ANXA3: variants seen among roughly 807,000 people sequenced by gnomAD.
The protein encoded by ANXA3 is annexin A3, also known as 35-alpha calcimedin.
ANXA3 carries 46 observed loss-of-function variants against 48.8 expected under a neutral mutation model. The observed-to-expected ratio is 0.94, with a 90% CI of 0.74 to 1.21. ANXA3 has a LOEUF of 1.21. Among genes scored for constraint, ANXA3 ranks in the 50% most tolerant of loss-of-function variants. ANXA3 has a pLI of 0.00. For synonymous variants in ANXA3, 128 were observed against 134.7 expected (o/e 0.95, Z 0.35); for missense variants, 383 against 378.6 (o/e 1.01, Z -0.10).
chr4:78,583,565 A>G (rs1723116542), intron 5 of ANXA3, among the ~76,000 whole-genome samples: 1 of 151,930 alleles, frequency 6.6e-6, no homozygotes, highest in East Asian at 1.9e-4. Context: ...TCTAGGCTAC[A>G]ATGAGCCATG....
chr4:78,590,657 C>T (rs1412337053), intron 6 of ANXA3, among the ~76,000 whole-genome samples: 1 of 152,036 alleles, frequency 6.6e-6, no homozygotes, highest in African/African-American at 2.4e-5. Context: ...AAAGGGGCTA[C>T]AACTAGTCAG....
chr4:78,576,460 C>G (rs1172367795), intron 3 of ANXA3, among the ~76,000 whole-genome samples: 1 of 152,054 alleles, frequency 6.6e-6, no homozygotes, highest in Admixed American at 6.6e-5. Flanking sequence ...CAATGTGTAC[C>G]TAATTTTTAA....
At chr4:78,576,771 G>A (rs1362325815) in intron 3 of ANXA3, among the ~76,000 whole-genome samples, 2 of 152,186 alleles carry the variant, frequency 1.3e-5, no homozygotes, top group African/African-American at 4.8e-5. Flanking sequence ...TAGGTTCTGA[G>A]TTCAGAATGA....
chr4:78,570,251 G>T (rs1722816972), intron 2 of ANXA3, among the ~76,000 whole-genome samples: 1 of 151,976 alleles, frequency 6.6e-6, no homozygotes, highest in Non-Finnish European at 1.5e-5. Flanking sequence ...GTACTAAATT[G>T]CATAATAAAT....
At chr4:78,595,967 A>T (rs1723417052) in intron 9 of ANXA3, 80 bp downstream of exon 9, 1 of 965,470 alleles carries the variant, frequency 1.0e-6, no homozygotes, top group South Asian at 1.5e-5. Flanking sequence ...AAGATCTAGA[A>T]AAACGAAGTT....
At chr4:78,554,314 T>G in intron 1 of ANXA3, 122 bp from the exon 2 acceptor site, 2 of 704,532 alleles carry the variant, frequency 2.8e-6, no homozygotes, top group Non-Finnish European at 4.9e-6. Flanking sequence ...ATGCTCTTCC[T>G]GAGAAGGTTT....
chr4:78,596,029 A>G (rs544750089), intron 9 of ANXA3, 142 bp downstream of exon 9: 2 of 607,694 alleles, frequency 3.3e-6, no homozygotes, highest in South Asian at 3.9e-5. Flanking sequence ...ACAAAATGGG[A>G]AAGCTGTATT....
Position 78,595,372 on chromosome 4 carries a change from C to T in ANXA3, c.484-9C>T, listed in dbSNP as rs1200264651. The T allele has an allele frequency of 1.2e-6, 2 of 1,613,854 alleles. No individual in the cohort carries two copies. The highest frequency in any genetic ancestry group is 1.7e-4 in the Middle Eastern group (1 of 6,056). On this transcript the variant is annotated splice_polypyrimidine_tract_variant and intron_variant, in intron 7 of 12. Coordinates refer to ENST00000264908, the MANE Select transcript of ANXA3 (RefSeq NM_005139.3). ...AAAGGATGGCCCTTGTTTTCGTCCT[C>T]CTGTTTAGGGCAGAAGAGATGAAAG...
chr4:78,606,347 C>T (rs1723644478), intron 12 of ANXA3, among the ~76,000 whole-genome samples: 1 of 152,184 alleles, frequency 6.6e-6, no homozygotes, highest in Admixed American at 6.5e-5. Flanking sequence ...GGGTCTAAAA[C>T]TGGGAATGGA....
intron 12 of ANXA3, 27 bp downstream of exon 12, chr4:78,604,426 A>G (rs1560452436): frequency 6.3e-7 from 1 of 1,586,538 alleles, no homozygotes; most frequent in Non-Finnish European, 8.6e-7. Context: ...AAATAGCAAA[A>G]CATATTTTGC....
rs760699088 is a variant in ANXA3 at position 78,610,020 on chromosome 4, A to T, written c.913-36A>T. ...TCATTTATGGTCTCCCATTATTTAT[A>T]CTGTATTTGTTCTTCATTGATTTTA... On this transcript the variant is annotated intron_variant, in intron 12 of 12. Transcript: ENST00000264908. 2.7e-6 allele frequency: 4 copies of T among 1,492,652 alleles called. No homozygotes were observed. The South Asian group carries it at 3.5e-5, about 13-fold the overall frequency. 92.5% of individuals were successfully genotyped at this position (1,492,652 alleles called of 1,614,324 possible).
chr4:78,584,736 T>A (rs552873232), intron 5 of ANXA3, among the ~76,000 whole-genome samples: 1 of 152,318 alleles, frequency 6.6e-6, no homozygotes, highest in Non-Finnish European at 1.5e-5. Flanking sequence ...CATATGGGCA[T>A]CTGAGAAGCA....
At chr4:78,555,847 TC>T (rs1462517479) in intron 2 of ANXA3, among the ~76,000 whole-genome samples, 1 of 85,748 alleles carries the variant, frequency 1.2e-5, no homozygotes, top group African/African-American at 2.9e-5. Flanking sequence ...TGAAACCCTA[TC>T]TATTAAAAAA....
At chr4:78,604,192 A>G (rs1299524556) in intron 11 of ANXA3, 85 bp from the exon 12 acceptor site, 2 of 1,281,116 alleles carry the variant, frequency 1.6e-6, no homozygotes, top group African/African-American at 3.0e-5. Flanking sequence ...TTTGCACACC[A>G]TTATCTGATT....
At chr4:78,595,664 A>T in intron 8 of ANXA3, 130 bp from the exon 9 acceptor site, 1 of 755,476 alleles carries the variant, frequency 1.3e-6, no homozygotes, top group Non-Finnish European at 2.2e-6. Flanking sequence ...TTTGATTTCT[A>T]GTCTTCTGAA....
chr4:78,578,029 G>T (rs550565758), intron 3 of ANXA3, among the ~76,000 whole-genome samples: 2 of 151,680 alleles, frequency 1.3e-5, no homozygotes, highest in African/African-American at 4.9e-5. Flanking sequence ...CTGAAATCCC[G>T]GCACTTTGGA....
intron 9 of ANXA3, 30 bp from the exon 10 acceptor site, chr4:78,597,288 CT>C (rs1723441844): frequency 3.5e-6 from 5 of 1,425,684 alleles, no homozygotes; most frequent in Non-Finnish European, 4.9e-6. Flanking sequence ...AACTGCGTTG[CT>C]TTAAATAATT....
intron 4 of ANXA3, among the ~76,000 whole-genome samples, chr4:78,581,470 A>G (rs528595468): frequency 6.6e-6 from 1 of 152,340 alleles, no homozygotes; most frequent in South Asian, 2.1e-4. Flanking sequence ...ATATAGTTTC[A>G]AATAGCTAGA....
intron 3 of ANXA3, among the ~76,000 whole-genome samples, chr4:78,574,433 C>A (rs1722906757): frequency 6.6e-6 from 1 of 152,092 alleles, no homozygotes; most frequent in Non-Finnish European, 1.5e-5. Flanking sequence ...AACAAAACAA[C>A]AACAACAAAA....
Sources: allele counts gnomAD v4.1 joint callset (sites outside exome capture counted in the v4.1 genomes callset), GRCh38; gene constraint gnomAD v4.1.1; transcripts MANE v1.5; gene names NCBI Gene and HGNC (gene_info 2026-07-23, HGNC 2026-07-21).